The following PTPRD variants were observed in gnomAD, a reference collection of about 807,000 sequenced individuals.
The protein encoded by PTPRD is protein tyrosine phosphatase receptor type D, also known as receptor-type tyrosine-protein phosphatase delta.
Under a neutral mutation model 214.5 loss-of-function variants are expected in PTPRD, and 34 were observed. The observed-to-expected ratio is 0.16, with a 90% CI of 0.12 to 0.21. PTPRD has a LOEUF of 0.21. Ranked by LOEUF, PTPRD falls within the 10% of genes least tolerant of loss-of-function variation. The probability of loss-of-function intolerance (pLI) is 1.00; values close to 1 mark genes in which losing one functional copy is unlikely to be tolerated. For synonymous variants in PTPRD, 1,128 were observed against 845.7 expected, an observed-to-expected ratio of 1.33 and a Z score of -5.79; for missense variants, 2,545 against 2,398.7, an observed-to-expected ratio of 1.06 and a Z score of -1.27.
chr9:9,038,701 C>A (rs182707648), intron 10 of PTPRD, among the ~76,000 whole-genome samples: 88 of 151,874 alleles, frequency 5.8e-4, no homozygotes, highest in African/African-American at 1.9e-3. Flanking sequence ...ATTACAGATG[C>A]CTACCACCAC....
chr9:10,473,824 C>T lies in PTPRD; in HGVS notation c.-599-132807G>A, dbSNP rs1179302004. ...TTCTTGGATCATTATAAATTATTGC[C>T]CCATTGTTTTTATAAAGTAAGTGTC... On this transcript the variant is annotated intron_variant, in intron 2 of 45. Transcript: ENST00000381196. Among the ~76,000 whole-genome samples the T allele has an allele frequency of 3.3e-5, 5 of 151,784 alleles. No individual in the cohort carries two copies. In the East Asian group the frequency reaches 9.6e-4, roughly 29 times the overall value.
intron 35 of PTPRD, among the ~76,000 whole-genome samples, chr9:8,432,265 C>T (rs935172221): frequency 2.6e-5 from 4 of 152,222 alleles, no homozygotes; most frequent in African/African-American, 9.6e-5. Flanking sequence ...TCAGTTTCAT[C>T]TCAGAAAATG....
At chr9:8,360,997 A>C (rs573569636) in intron 39 of PTPRD, among the ~76,000 whole-genome samples, 4 of 152,322 alleles carry the variant, frequency 2.6e-5, no homozygotes, top group Non-Finnish European at 2.9e-5. Context: ...AAATTTTCTA[A>C]GTGATTTTCA....
chr9:8,548,932 C>A (rs554636046), intron 14 of PTPRD, among the ~76,000 whole-genome samples: 15 of 151,964 alleles, frequency 9.9e-5, no homozygotes, highest in African/African-American at 3.6e-4. Context: ...CTCAGGTGAT[C>A]CGCCTGCCTC....
At chr9:9,080,713 A>G (rs999337479) in intron 10 of PTPRD, among the ~76,000 whole-genome samples, 1 of 151,810 alleles carries the variant, frequency 6.6e-6, no homozygotes, top group Non-Finnish European at 1.5e-5. Flanking sequence ...TTAAAAAGCA[A>G]ATGTTCCCTT....
chr9:9,739,637 A>T (rs2098366600), intron 6 of PTPRD, among the ~76,000 whole-genome samples: 1 of 151,934 alleles, frequency 6.6e-6, no homozygotes, highest in Non-Finnish European at 1.5e-5. Flanking sequence ...TTAAAAAAAA[A>T]AGCCAGTTGT....
intron 2 of PTPRD, among the ~76,000 whole-genome samples, chr9:10,345,078 T>C (rs1169763915): frequency 6.6e-6 from 1 of 152,158 alleles, no homozygotes; most frequent in African/African-American, 2.4e-5. Context: ...AAAAGACTTA[T>C]CTTTTTGGTA....
chr9:8,919,896 A>ACATGCATGTATCATGCATACATAGATGTG (rs2098814596), intron 11 of PTPRD, among the ~76,000 whole-genome samples: 1 of 151,802 alleles, frequency 6.6e-6, no homozygotes, highest in South Asian at 2.1e-4. Flanking sequence ...ACATAGATGT[A>ACATGCATGTATCATGCATACATAGATGTG]CATGCATGTA....
intron 10 of PTPRD, among the ~76,000 whole-genome samples, chr9:9,134,462 T>A (rs2099847887): frequency 6.6e-6 from 1 of 152,214 alleles, no homozygotes; most frequent in Non-Finnish European, 1.5e-5. Flanking sequence ...CCACTTGGTC[T>A]ATGCTTGCTA....
intron 11 of PTPRD, among the ~76,000 whole-genome samples, chr9:8,749,167 T>C (rs897222475): frequency 6.6e-6 from 1 of 152,250 alleles, no homozygotes. Context: ...GCCCTAGATA[T>C]AGTTGGGATT....
At chr9:9,393,169 G>A (rs2066492001) in intron 9 of PTPRD, among the ~76,000 whole-genome samples, 1 of 152,014 alleles carries the variant, frequency 6.6e-6, no homozygotes, top group African/African-American at 2.4e-5. Context: ...GGTTTTAGCT[G>A]AACTGAGAAG....
At chr9:10,103,113 A>G (rs1416333030) in intron 3 of PTPRD, among the ~76,000 whole-genome samples, 1 of 151,576 alleles carries the variant, frequency 6.6e-6, no homozygotes, top group Non-Finnish European at 1.5e-5. Flanking sequence ...CTATAGACCT[A>G]GTATAGCTGA....
intron 12 of PTPRD, among the ~76,000 whole-genome samples, chr9:8,711,740 C>T (rs2154404829): frequency 6.6e-6 from 1 of 152,236 alleles, no homozygotes; most frequent in South Asian, 2.1e-4. Flanking sequence ...GTCCATAAAC[C>T]ACCACACCAG....
chr9:9,957,813 G>C (rs554727265), intron 4 of PTPRD, among the ~76,000 whole-genome samples: 2 of 152,008 alleles, frequency 1.3e-5, no homozygotes, highest in Admixed American at 6.5e-5. Context: ...AATCCAGACA[G>C]CCTGGTGTTG....
At chr9:9,050,038 C>T (rs1432342411) in intron 10 of PTPRD, among the ~76,000 whole-genome samples, 1 of 152,172 alleles carries the variant, frequency 6.6e-6, no homozygotes, top group Non-Finnish European at 1.5e-5. Context: ...ACATGGTTTC[C>T]TGCCCTAGCT....
intron 3 of PTPRD, among the ~76,000 whole-genome samples, chr9:10,272,047 CA>C (rs1345076351): frequency 6.6e-6 from 1 of 152,062 alleles, no homozygotes; most frequent in Non-Finnish European, 1.5e-5. Context: ...AGAACATTTT[CA>C]TCCCTTAGAA....
chr9:9,172,941 T>C (rs2099922369), intron 10 of PTPRD, among the ~76,000 whole-genome samples: 1 of 152,144 alleles, frequency 6.6e-6, no homozygotes, highest in African/African-American at 2.4e-5. Flanking sequence ...CAGTGAAAGA[T>C]CATCTTCTGT....
chr9:9,184,300 A>T (rs2099930048), intron 9 of PTPRD, among the ~76,000 whole-genome samples: 1 of 152,050 alleles, frequency 6.6e-6, no homozygotes, highest in Non-Finnish European at 1.5e-5. Flanking sequence ...CTTCTGTTAC[A>T]TAGCCAGACT....
intron 10 of PTPRD, among the ~76,000 whole-genome samples, chr9:9,178,405 G>T (rs543573470): frequency 6.6e-6 from 1 of 150,788 alleles, no homozygotes; most frequent in African/African-American, 2.4e-5. Flanking sequence ...CTATCAAAGG[G>T]TGATGTGGTT....
Sources: allele counts gnomAD v4.1 joint callset (sites outside exome capture counted in the v4.1 genomes callset), GRCh38; gene constraint gnomAD v4.1.1; transcripts MANE v1.5; gene names NCBI Gene and HGNC (gene_info 2026-07-23, HGNC 2026-07-21).